The following COL22A1 variants were observed in gnomAD, a reference collection of about 807,000 sequenced individuals.
COL22A1 encodes the protein collagen alpha-1(XXII) chain.
COL22A1 carries 221 observed loss-of-function variants against 248.9 expected under a neutral mutation model. The ratio of observed to expected loss-of-function variants is 0.89; its 90% CI spans 0.80 to 0.99. The LOEUF (loss-of-function observed/expected upper bound fraction) is 0.99. Among genes scored for constraint, COL22A1 ranks in the 50% least tolerant of loss-of-function variants. The pLI, the probability that COL22A1 is intolerant of heterozygous loss-of-function variation, is 0.00. For synonymous variants in COL22A1, 891 were observed against 793.4 expected (o/e 1.12, Z -2.07); for missense variants, 2,240 against 2,179.0 (o/e 1.03, Z -0.56).
chr8:138,783,000 C>T (rs1815163635), intron 12 of COL22A1, among the ~76,000 whole-genome samples: 1 of 152,174 alleles, frequency 6.6e-6, no homozygotes, highest in African/African-American at 2.4e-5. Context: ...CACTGACTTA[C>T]TTGTAAGTTG....
At chr8:138,713,247 G>A (rs537766860) in intron 30 of COL22A1, among the ~76,000 whole-genome samples, 1 of 152,216 alleles carries the variant, frequency 6.6e-6, no homozygotes, top group South Asian at 2.1e-4. Context: ...GATGGGGTGG[G>A]GGGGCGGTGC....
intron 47 of COL22A1, among the ~76,000 whole-genome samples, chr8:138,638,063 T>C (rs1274302991): frequency 6.6e-6 from 1 of 152,160 alleles, no homozygotes; most frequent in African/African-American, 2.4e-5. Flanking sequence ...GTCATCATTA[T>C]TGCCATTGTC....
At chr8:138,857,073 G>A (rs111345395) in intron 3 of COL22A1, among the ~76,000 whole-genome samples, 4,013 of 151,336 alleles carry the variant, frequency 0.027, 194 homozygotes, top group African/African-American at 0.092. Flanking sequence ...CTTGCTGTCC[G>A]CATCCCCATT....
chr8:138,629,327 T>C (rs1428736275), intron 50 of COL22A1, among the ~76,000 whole-genome samples: 1 of 151,858 alleles, frequency 6.6e-6, no homozygotes, highest in Non-Finnish European at 1.5e-5. Flanking sequence ...AGACTAATTT[T>C]TGTATTTTTA....
Position 138,806,926 on chromosome 8 carries a change from C to T in COL22A1, c.1494+842G>A, listed in dbSNP as rs531694103. Among the ~76,000 whole-genome samples, 211 of 152,282 alleles carry T rather than the reference C, an allele frequency of 1.4e-3. 1 individual carries two copies. Among genetic ancestry groups the T allele is most frequent in the African/African-American group, 4.8e-3 (199 of 41,552 alleles). ...TGCACCACGAGACTCAGGCATGTGA[C>T]GGTCAGGTCCTGTCTAAACCATCCT... On this transcript the variant is annotated intron_variant, in intron 10 of 64. Coordinates refer to ENST00000303045, the MANE Select transcript of COL22A1 (RefSeq NM_152888.3).
intron 1 of COL22A1, among the ~76,000 whole-genome samples, chr8:138,890,450 C>T (rs1279416117): frequency 6.6e-6 from 1 of 152,022 alleles, no homozygotes. Flanking sequence ...TTGCAGATGG[C>T]CTTATCTTTT....
chr8:138,867,646 G>A (rs1822998978), intron 3 of COL22A1, among the ~76,000 whole-genome samples: 1 of 152,218 alleles, frequency 6.6e-6, no homozygotes, highest in Non-Finnish European at 1.5e-5. Flanking sequence ...GCAATGACAT[G>A]TTATAACAAG....
At chr8:138,675,323 G>T (rs531286089) in intron 41 of COL22A1, among the ~76,000 whole-genome samples, 8 of 152,160 alleles carry the variant, frequency 5.3e-5, no homozygotes, top group African/African-American at 1.9e-4. Flanking sequence ...TAATATTTTG[G>T]GTAATAAGTT....
At chr8:138,768,790 A>G (rs967081091) in intron 16 of COL22A1, among the ~76,000 whole-genome samples, 2 of 152,190 alleles carry the variant, frequency 1.3e-5, no homozygotes, top group Non-Finnish European at 2.9e-5. Flanking sequence ...ACAAAAAATT[A>G]GCTGGGCGTG....
At chr8:138,826,863 T>G (rs1819626119) in intron 5 of COL22A1, 82 bp from the exon 6 acceptor site, 2 of 1,510,136 alleles carry the variant, frequency 1.3e-6, no homozygotes, top group Admixed American at 3.7e-5. Context: ...AACCCAGCAG[T>G]GATCAAGCCC....
intron 10 of COL22A1, 116 bp downstream of exon 10, chr8:138,807,652 C>A (rs1378590666): frequency 7.0e-6 from 7 of 995,664 alleles, no homozygotes; most frequent in Non-Finnish European, 1.1e-5. Flanking sequence ...TTAACAAGCT[C>A]TGAGGCAAAA....
rs114825670 is a variant in COL22A1, at chr8:138,855,464, G to A, written c.659-11306C>T. 4.3e-3 allele frequency among the ~76,000 whole-genome samples: 658 copies of A among 152,294 alleles called. 8 individuals carry two copies. The highest frequency in any genetic ancestry group is 0.015 in the African/African-American group (605 of 41,560). ...CTGCCTGCTAGGCCGGGGGAGAGCA[G>A]GCTCGGCTCCTCATTTGAACATCTC... is the stretch of plus-strand genomic sequence containing the variant. On this transcript the variant is annotated intron_variant, in intron 3 of 64. Transcript: ENST00000303045.
rs978710161 is a variant in COL22A1, at chr8:138,768,555, G to C, written c.1804-6089C>G. On this transcript the variant is annotated intron_variant, in intron 16 of 64. Transcript: ENST00000303045. Reference sequence around the variant, plus strand: ...CGTTTATTAAATAGGAATATGTAAAGTACCCTTCATTTGTTGTTTTTTGGT... The same window carrying C: ...CGTTTATTAAATAGGAATATGTAAACTACCCTTCATTTGTTGTTTTTTGGT... Among the ~76,000 whole-genome samples, 15 of 152,304 alleles carry C rather than the reference G, an allele frequency of 9.8e-5. No individual in the cohort carries two copies. In the South Asian group the frequency reaches 1.9e-3, roughly 19 times the overall value.
intron 27 of COL22A1, 59 bp from the exon 28 acceptor site, chr8:138,716,928 C>A: frequency 2.3e-6 from 3 of 1,280,236 alleles, no homozygotes; most frequent in East Asian, 4.6e-5. Flanking sequence ...AGATGACTGC[C>A]ATTTCCCAGT....
chr8:138,722,311 T>A (rs1360942942), intron 25 of COL22A1: 6 of 562,918 alleles, frequency 1.1e-5, no homozygotes, highest in Non-Finnish European at 1.9e-5. Context: ...CTGGGCAATG[T>A]CTGATTTTCA....
At chr8:138,690,770 T>C in intron 36 of COL22A1, 51 bp downstream of exon 36, 1 of 1,482,288 alleles carries the variant, frequency 6.7e-7, no homozygotes. Flanking sequence ...GGAGGATACA[T>C]TAACTAGCTT....
At chr8:138,764,469 G>C (rs1340303086) in intron 16 of COL22A1, among the ~76,000 whole-genome samples, 1 of 152,200 alleles carries the variant, frequency 6.6e-6, no homozygotes, top group Non-Finnish European at 1.5e-5. Context: ...CCTGCCTCAG[G>C]GTCCCCCCAT....
chr8:138,811,459 C>T (rs747908899), intron 9 of COL22A1, among the ~76,000 whole-genome samples: 11 of 152,056 alleles, frequency 7.2e-5, no homozygotes, highest in Non-Finnish European at 1.5e-4. Flanking sequence ...TTGCAAAGCA[C>T]ATAGAAATCC....
At chr8:138,792,359 A>T (rs952018667) in intron 12 of COL22A1, among the ~76,000 whole-genome samples, 1 of 152,260 alleles carries the variant, frequency 6.6e-6, no homozygotes, top group Non-Finnish European at 1.5e-5. Flanking sequence ...CAGGAAATGC[A>T]TAGCCTCCCG....
Sources: allele counts gnomAD v4.1 joint callset (sites outside exome capture counted in the v4.1 genomes callset), GRCh38; gene constraint gnomAD v4.1.1; transcripts MANE v1.5; gene names NCBI Gene and HGNC (gene_info 2026-07-23, HGNC 2026-07-21).